GTF3C4: variants seen among roughly 807,000 people sequenced by gnomAD.
GTF3C4 encodes the protein general transcription factor 3C polypeptide 4.
In GTF3C4, 28 loss-of-function variants were observed where a neutral mutation model predicts 67.5. That is an observed-to-expected ratio of 0.41 (90% CI 0.31 to 0.57). The LOEUF is 0.57. GTF3C4 is among the 20% of genes least tolerant of loss of function. The pLI is 0.21. For missense variants in GTF3C4, 831 were observed against 1,033.2 expected (o/e 0.80, Z 2.68); for synonymous variants, 409 against 393.0 (o/e 1.04, Z -0.48).
chr9:132,673,276 A>G (rs1358844114), intron 1 of GTF3C4, among the ~76,000 whole-genome samples: 1 of 152,200 alleles, frequency 6.6e-6, no homozygotes, highest in Non-Finnish European at 1.5e-5. Context: ...GTATTCTGAT[A>G]AAATTTTGAC....
rs1835832876 is a variant in GTF3C4, at chr9:132,674,239, G to A, written c.357+3284G>A. On this transcript the variant is annotated intron_variant, in intron 1 of 4. Coordinates refer to ENST00000372146, the MANE Select transcript of GTF3C4 (RefSeq NM_012204.4). ...GCACCAACCTAATAGTGGTCAACTG[G>A]AAACTGGATGGTGTACAATTAAATG... 2.0e-5 allele frequency among the ~76,000 whole-genome samples: 3 copies of A among 152,230 alleles called. No homozygotes were observed. The South Asian group carries it at 6.2e-4, about 31-fold the overall frequency.
rs1164986301 is a variant in GTF3C4, at chr9:132,691,004, A to G, written c.*2059A>G. 3 of 152,144 alleles carry G rather than the reference A, an allele frequency of 2.0e-5. No homozygotes were observed. Among genetic ancestry groups the G allele is most frequent in the Admixed American group, 1.3e-4 (2 of 15,282 alleles). The allele number at this position is 152,144 out of a possible 1,614,324, so 9.4% of individuals were successfully genotyped here. A position where few individuals can be genotyped will look rare whatever the true frequency, so the allele number is the denominator to read the frequency against. ...GGGAGTAACTAGAGAGGATCTCCCA[A>G]ATTTTTTTGTATGTCTCTCTAGGAG... On this transcript the variant is annotated 3_prime_UTR_variant, in exon 5 of 5. Transcript: ENST00000372146.
chr9:132,678,943 T>C lies in GTF3C4; in HGVS notation c.1324T>C (p.Ser442Pro). The change falls in exon 2 of 5, where the codon TCC becomes CCC. Residue 442 changes from serine (S) to proline (P), a missense_variant. Coordinates refer to ENST00000372146, the MANE Select transcript of GTF3C4 (RefSeq NM_012204.4). This position sits in a 1 kb window ranked among gnomAD's most constrained non-coding sequence, Gnocchi z 6.5. ...DKQNGTVYTC[S>P]SDGKVRQLIP... The stretch of plus-strand genomic sequence containing the variant: ...ACAGAATGGAACAGTCTATACTTGC[T>C]CCAGTGACGGAAAGGTGAGGCAGCT... The C allele has an allele frequency of 6.2e-7, 1 of 1,614,194 alleles. No homozygotes were observed. The highest frequency in any genetic ancestry group is 8.5e-7 in the Non-Finnish European group (1 of 1,180,040).
rs186285861 is a variant in GTF3C4 at position 132,678,537 on chromosome 9, T to C, written c.918T>C (p.Ile306=). ...GKESISSCNT[I]ESGITSPSVL... ...AATCCATCTCTTCATGCAACACAAT[T>C]GAGTCAGGAATCACCTCTCCCAGTG... The change falls in exon 2 of 5, where the codon ATT becomes ATC. Residue 306 remains isoleucine, a synonymous_variant. Coordinates refer to ENST00000372146, the MANE Select transcript of GTF3C4 (RefSeq NM_012204.4). The surrounding 1 kb of genome is among the most constrained non-coding windows in gnomAD (Gnocchi z 6.5). 1.2e-6 allele frequency: 2 copies of C among 1,614,158 alleles called. No homozygotes were observed. Among genetic ancestry groups the C allele is most frequent in the African/African-American group, 2.7e-5 (2 of 75,048 alleles).
At position 132,689,513 on chromosome 9, in the gene GTF3C4, A is replaced by AAAAC. The variant is rs1836081046; in HGVS notation, c.*570_*573dup. 6.6e-6 allele frequency: 1 copy of AAAAC among 152,630 alleles called. No individual in the cohort carries two copies. The highest frequency in any genetic ancestry group is 2.4e-5 in the African/African-American group (1 of 41,460). The allele number at this position is 152,630 out of a possible 1,614,324, so 9.5% of individuals were successfully genotyped here. ...CCATTCTTGTTTTTTATGCATATGG[A>AAAAC]AAACATTTTCCTAAAACTCTATATT... On this transcript the variant is annotated 3_prime_UTR_variant, in exon 5 of 5. Transcript: ENST00000372146.
intron 1 of GTF3C4, among the ~76,000 whole-genome samples, chr9:132,675,189 A>T (rs1418980288): frequency 6.6e-6 from 1 of 152,232 alleles, no homozygotes; most frequent in Non-Finnish European, 1.5e-5. Context: ...TAAGGTCAGA[A>T]GGTTTAAGCA....
intron 1 of GTF3C4, among the ~76,000 whole-genome samples, chr9:132,673,604 G>T (rs1330046249): frequency 6.6e-6 from 1 of 152,196 alleles, no homozygotes; most frequent in Non-Finnish European, 1.5e-5. Context: ...CCCATTGGCA[G>T]TCTGTGGATT....
Position 132,670,501 on chromosome 9 carries a change from C to A in GTF3C4, c.-98C>A. On this transcript the variant is annotated 5_prime_UTR_variant, in exon 1 of 5. Coordinates refer to ENST00000372146, the MANE Select transcript of GTF3C4 (RefSeq NM_012204.4). ...GCGCTCGGGGCCTGAGGGGAGAAAA[C>A]CGCCGCGGAGGGCGCTGGGGGTGGC... is the stretch of plus-strand genomic sequence containing the variant. 1 of 1,106,812 alleles carries A rather than the reference C, an allele frequency of 9.0e-7. No individual in the cohort carries two copies. Among genetic ancestry groups the A allele is most frequent in the Non-Finnish European group, 1.2e-6 (1 of 830,298 alleles). The allele number at this position is 1,106,812 out of a possible 1,614,324, so 68.6% of individuals were successfully genotyped here. A position where few individuals can be genotyped will look rare whatever the true frequency, so the allele number is the denominator to read the frequency against.
In GTF3C4 at chr9:132,688,867, T is replaced by C; in HGVS notation, c.2405-14T>C. 3 of 1,600,232 alleles carry C rather than the reference T, an allele frequency of 1.9e-6. No homozygotes were observed. The highest frequency in any genetic ancestry group is 1.1e-5 in the South Asian group (1 of 90,798). ...CGAAGCTAACAGTTGATACCACTTG[T>C]CCTCCTTTTGCAGATCCCGACTGGA... On this transcript the variant is annotated splice_polypyrimidine_tract_variant and intron_variant, in intron 4 of 4. Transcript: ENST00000372146.
chr9:132,679,389 A>C lies in GTF3C4; in HGVS notation c.1770A>C (p.Lys590Asn). ...GGATTTTATATCAGTCAATGCAGAA[A>C]ACCCCTTCAGAAGCCTTGTGGAAAC... ...LLRILYQSMQ[K>N]TPSEALWKPT... The change falls in exon 2 of 5, where the codon AAA becomes AAC. Residue 590 changes from lysine to asparagine, a missense_variant. Lys to Asn is a moderately conservative substitution (Grantham distance 94, BLOSUM62 0). Around this residue, in one of 4 missense-constraint regions of GTF3C4, gnomAD observed 390 missense variants for 540.3 expected, o/e 0.72. Transcript: ENST00000372146. This position sits in a 1 kb window ranked among gnomAD's most constrained non-coding sequence, Gnocchi z 5.9. 6.2e-7 allele frequency: 1 copy of C among 1,614,096 alleles called. No individual in the cohort carries two copies. The highest frequency in any genetic ancestry group is 2.2e-5 in the East Asian group (1 of 44,878).
At position 132,670,738 on chromosome 9, in the gene GTF3C4, T is replaced by G; in HGVS notation, c.140T>G (p.Phe47Cys). Residue 47 changes from phenylalanine to cysteine, a missense_variant, in exon 1 of 5, where the codon TTC becomes TGC. Transcript: ENST00000372146. ...GCGGCCCCGGGGCCCAGCGCTGCAT[T>G]CCGCCTCATGGTGACTCGGCGGGAG... is the stretch of plus-strand genomic sequence containing the variant. ...ADAAPGPSAA[F>C]RLMVTRREPA... The G allele has an allele frequency of 5.8e-6, 9 of 1,546,476 alleles. No homozygotes were observed. Among genetic ancestry groups the G allele is most frequent in the Non-Finnish European group, 7.8e-6 (9 of 1,152,960 alleles).
At chr9:132,676,190 C>T (rs942988685) in intron 1 of GTF3C4, among the ~76,000 whole-genome samples, 9 of 151,748 alleles carry the variant, frequency 5.9e-5, no homozygotes, top group Non-Finnish European at 5.9e-5. Flanking sequence ...TGAGCCACCA[C>T]GCCCAGCCAT....
In GTF3C4 at chr9:132,691,954, CAAAT is replaced by C. The variant is rs1050161340; in HGVS notation, c.*3012_*3015del. 4 of 152,160 alleles carry C rather than the reference CAAAT, an allele frequency of 2.6e-5. No homozygotes were observed. The highest frequency in any genetic ancestry group is 4.8e-5 in the African/African-American group (2 of 41,428). The allele number at this position is 152,160 out of a possible 1,614,324, so 9.4% of individuals were successfully genotyped here. A position where few individuals can be genotyped will look rare whatever the true frequency, so the allele number is the denominator to read the frequency against. On this transcript the variant is annotated 3_prime_UTR_variant, in exon 5 of 5. Coordinates refer to ENST00000372146, the MANE Select transcript of GTF3C4 (RefSeq NM_012204.4). ...AATTATTTTGTAATTATAATGGTAT[CAAAT>C]AAGATGCAAAAGAAGTTGATGCTTA... is the stretch of plus-strand genomic sequence containing the variant.
At chr9:132,682,128 ATGTATG>A in intron 2 of GTF3C4, among the ~76,000 whole-genome samples, 1 of 152,208 alleles carries the variant, frequency 6.6e-6, no homozygotes, top group Non-Finnish European at 1.5e-5. Flanking sequence ...AAATAGAGGT[ATGTATG>A]GGAGGAATTC....
chr9:132,677,886 C>A, intron 1 of GTF3C4, 91 bp from the exon 2 acceptor site: 2 of 974,442 alleles, frequency 2.1e-6, no homozygotes, highest in Non-Finnish European at 3.1e-6. Flanking sequence ...GGGAACCAGG[C>A]TATGAATAAT....
chr9:132,677,142 C>G (rs1835874480), intron 1 of GTF3C4, among the ~76,000 whole-genome samples: 1 of 152,180 alleles, frequency 6.6e-6, no homozygotes, highest in South Asian at 2.1e-4. Flanking sequence ...TGGCTCACAC[C>G]TGTAATCCCA....
At chr9:132,686,915 A>G (rs1590139287) in intron 3 of GTF3C4, among the ~76,000 whole-genome samples, 1 of 152,334 alleles carries the variant, frequency 6.6e-6, no homozygotes, top group South Asian at 2.1e-4. Flanking sequence ...TTCTCAATAT[A>G]ATACATGATC....
At chr9:132,685,415 A>T (rs140763971) in intron 3 of GTF3C4, among the ~76,000 whole-genome samples, 2,300 of 152,306 alleles carry the variant, frequency 0.015, 25 homozygotes, top group Middle Eastern at 0.041. Flanking sequence ...TACAAAGATA[A>T]CATTCTTAAT....
chr9:132,673,495 C>A (rs1590131876), intron 1 of GTF3C4, among the ~76,000 whole-genome samples: 1 of 151,728 alleles, frequency 6.6e-6, no homozygotes, highest in East Asian at 1.9e-4. Flanking sequence ...TGAATGAATG[C>A]TGAGTTGACC....
Sources: allele counts gnomAD v4.1 joint callset (sites outside exome capture counted in the v4.1 genomes callset), GRCh38; gene constraint gnomAD v4.1.1; regional missense constraint gnomAD v4.1.1; non-coding constraint Gnocchi (gnomAD v3.1); transcripts MANE v1.5; gene names NCBI Gene and HGNC (gene_info 2026-07-23, HGNC 2026-07-21).